Variants in CP observed in about 807,000 individuals in gnomAD.
CP encodes caeruloplasmin.
CP carries 64 observed loss-of-function variants against 122.4 expected under a neutral mutation model. The observed-to-expected ratio is 0.52, with a 90% CI of 0.43 to 0.64. CP has a LOEUF of 0.64. CP is among the 30% of genes least tolerant of loss of function. CP has a pLI of 0.00. For synonymous variants in CP, 440 were observed against 436.4 expected, an observed-to-expected ratio of 1.01 and a Z score of -0.10; for missense variants, 1,167 against 1,284.4, an observed-to-expected ratio of 0.91 and a Z score of 1.40.
intron 9 of CP, among the ~76,000 whole-genome samples, chr3:149,192,427 A>G (rs1250609021): frequency 6.6e-6 from 1 of 152,032 alleles, no homozygotes; most frequent in Non-Finnish European, 1.5e-5. Context: ...GATACTGACT[A>G]AACTGTAGAT....
At chr3:149,220,637 T>A (rs1728748701) in intron 1 of CP, among the ~76,000 whole-genome samples, 1 of 152,094 alleles carries the variant, frequency 6.6e-6, no homozygotes, top group Admixed American at 6.6e-5. Context: ...TGGTGAAAAA[T>A]TTCAACTTTA....
chr3:149,168,048 T>A, downstream of CP: 1 of 953,822 alleles, frequency 1.0e-6, no homozygotes, highest in Non-Finnish European at 1.7e-6. Flanking sequence ...GGTGAAGCCT[T>A]CTTAAGTATT....
chr3:149,183,405 G>T, intron 13 of CP, 61 bp downstream of exon 13: 2 of 1,549,964 alleles, frequency 1.3e-6, no homozygotes. Context: ...TGAATTGACG[G>T]TTACTGCAGG....
Position 149,178,401 on chromosome 3 carries a change from A to G in CP, c.2878+14T>C, listed in dbSNP as rs75520320. On this transcript the variant is annotated intron_variant, in intron 16 of 18. Transcript: ENST00000264613. ...AAAAAAGTAGAAAAATTGTTTTAGAATAATGTGACATACCATGCATTTTAT... is the reference window on the plus strand; with the variant it reads ...AAAAAAGTAGAAAAATTGTTTTAGAGTAATGTGACATACCATGCATTTTAT... 186 of 1,524,784 alleles carry G rather than the reference A, an allele frequency of 1.2e-4. No homozygotes were observed. The African/African-American group carries it at 2.1e-3, about 17-fold the overall frequency. 94.5% of individuals were successfully genotyped at this position (1,524,784 alleles called of 1,614,324 possible).
chr3:149,175,239 A>G (rs1725344609), intron 18 of CP, among the ~76,000 whole-genome samples: 1 of 152,054 alleles, frequency 6.6e-6, no homozygotes, highest in Non-Finnish European at 1.5e-5. Context: ...GGCTCTCTTC[A>G]CTTTGTTCAA....
At chr3:149,206,055 A>T in intron 6 of CP, 113 bp downstream of exon 6, 1 of 906,342 alleles carries the variant, frequency 1.1e-6, no homozygotes, top group Non-Finnish European at 1.7e-6. Context: ...TTAGCAGTCT[A>T]GTTACTCAAT....
downstream of CP, chr3:149,168,069 T>G (rs1576709288): frequency 2.5e-6 from 2 of 807,492 alleles, no homozygotes; most frequent in East Asian, 5.2e-5. Context: ...TTCATGTGAT[T>G]CTCAAGTGAA....
rs1222972698 is a variant in CP, at chr3:149,173,422, T to C, written c.*292A>G. The C allele has an allele frequency of 4.3e-6, 1 of 231,812 alleles. No individual in the cohort carries two copies. The highest frequency in any genetic ancestry group is 8.5e-6 in the Non-Finnish European group (1 of 118,052). The allele number at this position is 231,812 out of a possible 1,614,324, so 14.4% of individuals were successfully genotyped here. ...AGGAGAATATCTGGTCATAGATCTTTTTTTAAATGCAGTTTTATAAAACCC... is the reference window on the plus strand; with the variant it reads ...AGGAGAATATCTGGTCATAGATCTTCTTTTAAATGCAGTTTTATAAAACCC... On this transcript the variant is annotated 3_prime_UTR_variant, in exon 19 of 19. Coordinates refer to ENST00000264613, the MANE Select transcript of CP (RefSeq NM_000096.4).
intron 1 of CP, chr3:149,217,969 ATT>A: frequency 2.9e-6 from 1 of 346,382 alleles, no homozygotes; most frequent in East Asian, 1.2e-4. Flanking sequence ...TCACTGTACC[ATT>A]TGTTTTGGAA....
intron 2 of CP, among the ~76,000 whole-genome samples, chr3:149,212,121 G>A (rs190678257): frequency 7.9e-5 from 12 of 151,610 alleles, no homozygotes; most frequent in East Asian, 5.8e-4. Flanking sequence ...GTGAAACCCC[G>A]TCTCTACTAA....
At chr3:149,190,056 A>T (rs1726442511) in intron 9 of CP, among the ~76,000 whole-genome samples, 1 of 152,150 alleles carries the variant, frequency 6.6e-6, no homozygotes, top group South Asian at 2.1e-4. Context: ...ATCTGAAAAA[A>T]TTTTAAAATT....
At chr3:149,208,215 C>T (rs1241562201) in intron 4 of CP, among the ~76,000 whole-genome samples, 1 of 151,946 alleles carries the variant, frequency 6.6e-6, no homozygotes, top group Non-Finnish European at 1.5e-5. Context: ...GGCAAGGTGG[C>T]CTGAAACCCT....
rs762372503 is a variant in CP, at chr3:149,207,391, G to A, written c.1008C>T (p.Leu336=). The A allele has an allele frequency of 5.6e-6, 9 of 1,613,798 alleles. No homozygotes were observed. Among genetic ancestry groups the A allele is most frequent in the African/African-American group, 1.3e-5 (1 of 74,924 alleles). Residue 336 remains leucine (L), a synonymous_variant, in exon 5 of 19, where the codon CTC becomes CTT. Transcript: ENST00000264613. ...TCAGATGGTTTAGATTCTGACAGCT[G>A]AGCATCCATTCTCCAGGGTTCTGGG... ...MVAQNPGEWM[L]SCQNLNHLKA...
chr3:149,199,962 A>G (rs1296465783), intron 7 of CP, 98 bp from the exon 8 acceptor site: 11 of 1,217,562 alleles, frequency 9.0e-6, no homozygotes, highest in Non-Finnish European at 1.3e-5. Context: ...GGCAAGAACT[A>G]CTAGGAGCAA....
Position 149,172,869 on chromosome 3 carries a change from C to T in CP, c.*845G>A, listed in dbSNP as rs1725140581. On this transcript the variant is annotated 3_prime_UTR_variant, in exon 19 of 19. Transcript: ENST00000264613. ...TTTGTCAAATGCATGTTTTTTTCAG[C>T]CAAAGCCTTGTTTCCATTTTTGTTG... The T allele has an allele frequency of 6.7e-6, 1 of 150,340 alleles. No individual in the cohort carries two copies. The allele number at this position is 150,340 out of a possible 1,614,324, so 9.3% of individuals were successfully genotyped here. A position where few individuals can be genotyped will look rare whatever the true frequency, so the allele number is the denominator to read the frequency against.
Position 149,183,484 on chromosome 3 carries a change from C to G in CP, c.2407G>C (p.Glu803Gln), listed in dbSNP as rs770899116. ...RVPVERKAEE[E>Q]HLGILGPQLH... ...AACATACCTAGAATTCCCAGATGTT[C>G]TTCTTCAGCTTTTCTCTCCACTGGA... The change falls in exon 13 of 19, where the codon GAA becomes CAA. Residue 803 changes from glutamate to glutamine, a missense_variant. Physicochemically the swap from Glu to Gln is conservative, Grantham distance 29 (BLOSUM62 2). Transcript: ENST00000264613. 7.1e-5 allele frequency: 115 copies of G among 1,611,322 alleles called. No individual in the cohort carries two copies. In the Middle Eastern group the frequency reaches 1.3e-3, roughly 19 times the overall value.
At chr3:149,198,719 T>C in intron 8 of CP, 141 bp from the exon 9 acceptor site, 1 of 759,056 alleles carries the variant, frequency 1.3e-6, no homozygotes, top group Middle Eastern at 3.5e-4. Flanking sequence ...ACTTATGCTC[T>C]GGTGTCAGAT....
chr3:149,187,148 A>T (rs961331283), intron 10 of CP, among the ~76,000 whole-genome samples: 1 of 152,146 alleles, frequency 6.6e-6, no homozygotes, highest in Admixed American at 6.5e-5. Flanking sequence ...TCTCTAATTC[A>T]TCTTGAATAA....
chr3:149,186,835 G>T, intron 10 of CP, 103 bp from the exon 11 acceptor site: 1 of 1,039,372 alleles, frequency 9.6e-7, no homozygotes, highest in Non-Finnish European at 1.5e-6. Context: ...ATTTTTAAAA[G>T]ACCTATTCAG....
Sources: gnomAD v4.1 joint callset for allele counts (sites outside exome capture counted in the v4.1 genomes callset) on GRCh38, gnomAD v4.1.1 for gene constraint, MANE v1.5 for transcripts, NCBI Gene and HGNC (gene_info 2026-07-23, HGNC 2026-07-21) for gene names.